The following AGT variants were observed in gnomAD, a reference collection of about 807,000 sequenced individuals.
The protein encoded by AGT is alpha-1 antiproteinase, antitrypsin.
In AGT, 26 loss-of-function variants were observed where a neutral mutation model predicts 28.1. The ratio of observed to expected loss-of-function variants is 0.92; its 90% CI spans 0.68 to 1.28. AGT has a LOEUF of 1.28. Among genes scored for constraint, AGT ranks in the 50% most tolerant of loss-of-function variants. AGT has a pLI of 0.00. For missense variants in AGT, 596 were observed against 592.3 expected, an observed-to-expected ratio of 1.01 and a Z score of -0.06; for synonymous variants, 259 against 259.6, an observed-to-expected ratio of 1.00 and a Z score of 0.02.
intron 1 of AGT, among the ~76,000 whole-genome samples, chr1:230,733,439 G>A (rs968529300): frequency 2.0e-5 from 3 of 152,140 alleles, no homozygotes; most frequent in African/African-American, 7.2e-5. Flanking sequence ...GCTTATGAAA[G>A]CAAGTGCCCA....
chr1:230,720,354 C>T (rs1477116884), intron 1 of AGT, among the ~76,000 whole-genome samples: 2 of 152,144 alleles, frequency 1.3e-5, no homozygotes, highest in African/African-American at 4.8e-5. Flanking sequence ...CTTTAGGGCA[C>T]AATTTCAGTG....
chr1:230,708,633 G>A (rs1304265938), intron 2 of AGT, among the ~76,000 whole-genome samples: 2 of 152,094 alleles, frequency 1.3e-5, no homozygotes, highest in African/African-American at 4.8e-5. Context: ...CCTCCCGCCT[G>A]GCTCTCTGTC....
At chr1:230,712,999 C>G (rs1663640303) in intron 1 of AGT, among the ~76,000 whole-genome samples, 1 of 152,160 alleles carries the variant, frequency 6.6e-6, no homozygotes, top group Non-Finnish European at 1.5e-5. Context: ...GGGCACTGTT[C>G]TCATATCAAC....
At chr1:230,709,638 C>T (rs946097559) in intron 2 of AGT, among the ~76,000 whole-genome samples, 10 of 152,132 alleles carry the variant, frequency 6.6e-5, no homozygotes, top group Admixed American at 2.0e-4. Flanking sequence ...GGGTTTCAAT[C>T]CCAGGACCCC....
intron 1 of AGT, among the ~76,000 whole-genome samples, chr1:230,734,354 C>T (rs1007269495): frequency 5.3e-5 from 8 of 150,606 alleles, no homozygotes; most frequent in African/African-American, 2.0e-4. Context: ...TTCATAGAGA[C>T]GGAAAATAGA....
chr1:230,737,000 G>C (rs1474084635), intron 1 of AGT, among the ~76,000 whole-genome samples: 1 of 152,194 alleles, frequency 6.6e-6, no homozygotes, highest in Non-Finnish European at 1.5e-5. Flanking sequence ...CCTGGAGCTG[G>C]AATCTGGAGC....
At position 230,706,320 on chromosome 1, in the gene AGT, G is replaced by GC. The variant is rs148607932; in HGVS notation, c.830-121dup. ...CGCCCTGCCTCAGCCTCCTTCCTTG[G>GC]CCCCCCCCAGGCCACTCTGCATTCT... On this transcript the variant is annotated intron_variant, in intron 2 of 4. Coordinates refer to ENST00000366667, the MANE Select transcript of AGT (RefSeq NM_001384479.1). 1.1e-3 allele frequency: 1,235 copies of GC among 1,147,918 alleles called. 4 individuals carry two copies. The highest frequency in any genetic ancestry group is 2.6e-3 in the Middle Eastern group (9 of 3,400). 71.1% of individuals were successfully genotyped at this position (1,147,918 alleles called of 1,614,324 possible).
Position 230,703,263 on chromosome 1 carries a change from G to C in AGT, c.1309C>G (p.Leu437Val), listed in dbSNP as rs1206152459. 1.3e-5 allele frequency: 21 copies of C among 1,614,102 alleles called. No individual in the cohort carries two copies. Among genetic ancestry groups the C allele is most frequent in the Non-Finnish European group, 1.4e-5 (16 of 1,180,054 alleles). ...ACCTCCAAGACCTCAGGCTTGTTAAGCTGTTGGGTAGACTCTGTGGGCTCT... is the reference window on the plus strand; with the variant it reads ...ACCTCCAAGACCTCAGGCTTGTTAACCTGTTGGGTAGACTCTGTGGGCTCT... ...EREPTESTQQLNKPEVLEVTL... is the reference protein window; with the variant it reads ...EREPTESTQQVNKPEVLEVTL... Residue 437 changes from leucine (L) to valine (V), a missense_variant, in exon 5 of 5, where the codon CTT becomes GTT. Leu to Val is a conservative substitution (Grantham distance 32, BLOSUM62 1). Transcript: ENST00000366667.
At chr1:230,739,952 A>T (rs1450730671) in intron 1 of AGT, among the ~76,000 whole-genome samples, 1 of 152,214 alleles carries the variant, frequency 6.6e-6, no homozygotes, top group Non-Finnish European at 1.5e-5. Context: ...AAAGACGTAA[A>T]GAAAGAATGG....
chr1:230,709,246 C>T (rs6687360), intron 2 of AGT, among the ~76,000 whole-genome samples: 68,156 of 152,040 alleles, frequency 0.45, 16,109 homozygotes, highest in East Asian at 0.69. Flanking sequence ...GTAGCAAATC[C>T]TCAACAAGTA....
At chr1:230,744,675 C>G (rs1255759406) in intron 1 of AGT, among the ~76,000 whole-genome samples, 4 of 152,128 alleles carry the variant, frequency 2.6e-5, no homozygotes, top group Non-Finnish European at 5.9e-5. Context: ...TACTAAGACT[C>G]TAAAGAAAAA....
Position 230,710,411 on chromosome 1 carries a change from T to C in AGT, c.413A>G (p.Tyr138Cys), listed in dbSNP as rs555684009. 5 of 1,614,132 alleles carry C rather than the reference T, an allele frequency of 3.1e-6. No individual in the cohort carries two copies. The South Asian group carries it at 5.5e-5, about 18-fold the overall frequency. The stretch of plus-strand genomic sequence containing the variant: ...AGCTGTGTGGTCCAAGGCTCCCAGA[T>C]AGAGAGAGGCCAGGGTGCCAAAGAC... ...TAVFGTLASL[Y>C]LGALDHTADR... The change falls in exon 2 of 5, where the codon TAT becomes TGT. Residue 138 changes from tyrosine (Y) to cysteine (C), a missense_variant. Physicochemically the swap from Tyr to Cys is radical, Grantham distance 194 (BLOSUM62 -2). Transcript: ENST00000366667.
Position 230,703,273 on chromosome 1 carries a change from A to G in AGT, c.1299T>C (p.Ser433=). ...CCTCAGGCTTGTTAAGCTGTTGGGT[A>G]GACTCTGTGGGCTCTCTCTCATCCG... ...LEADEREPTE[S]TQQLNKPEVL... Residue 433 remains serine, a synonymous_variant, in exon 5 of 5, where the codon TCT becomes TCC. Coordinates refer to ENST00000366667, the MANE Select transcript of AGT (RefSeq NM_001384479.1). 1 of 1,614,198 alleles carries G rather than the reference A, an allele frequency of 6.2e-7. No individual in the cohort carries two copies. Among genetic ancestry groups the G allele is most frequent in the Admixed American group, 1.7e-5 (1 of 60,030 alleles).
chr1:230,710,298 G>A lies in AGT; in HGVS notation c.526C>T (p.Gln176Ter), dbSNP rs768807990. The A allele has an allele frequency of 3.1e-6, 5 of 1,613,850 alleles. No individual in the cohort carries two copies. The African/African-American group carries it at 5.3e-5, about 17-fold the overall frequency. ...LDAHKVLSAL[Q>*]AVQGLLVAQG... ...GCCACTAGCAGGCCCTGTACAGCCT[G>A]CAGGGCAGACAGGACCTTGTGCGCA... Residue 176 changes from glutamine (Q) to a stop codon, truncating the protein, a stop_gained, in exon 2 of 5, where the codon CAG becomes TAG. Coordinates refer to ENST00000366667, the MANE Select transcript of AGT (RefSeq NM_001384479.1). LOFTEE classifies it high-confidence loss of function.
chr1:230,733,181 G>T (rs1337871504), intron 1 of AGT, among the ~76,000 whole-genome samples: 1 of 152,096 alleles, frequency 6.6e-6, no homozygotes. Flanking sequence ...TACTCAGGAG[G>T]CTGAGGCAGG....
intron 1 of AGT, among the ~76,000 whole-genome samples, chr1:230,720,934 C>T (rs1178187356): frequency 6.6e-6 from 1 of 152,214 alleles, no homozygotes; most frequent in Non-Finnish European, 1.5e-5. Context: ...CAGCCTCATT[C>T]ATTCTGGGCG....
At position 230,709,991 on chromosome 1, in the gene AGT, T is replaced by G; in HGVS notation, c.829+4A>C. On this transcript the variant is annotated splice_donor_region_variant and intron_variant, in intron 2 of 4. Transcript: ENST00000366667. ...GCCAGAGCCAGCAGAGAGGTTTGCC[T>G]TACCTTGGAAGTGGACGTAGGTGTT... The G allele has an allele frequency of 1.2e-6, 2 of 1,614,122 alleles. No homozygotes were observed. Among genetic ancestry groups the G allele is most frequent in the Non-Finnish European group, 8.5e-7 (1 of 1,180,024 alleles).
intron 1 of AGT, among the ~76,000 whole-genome samples, chr1:230,724,305 A>G (rs1663897923): frequency 2.0e-5 from 3 of 152,262 alleles, no homozygotes; most frequent in Admixed American, 2.0e-4. Context: ...CTATAGACTT[A>G]TATATTGTCC....
At chr1:230,743,765 T>G (rs2478542) in intron 1 of AGT, among the ~76,000 whole-genome samples, 1 of 152,150 alleles carries the variant, frequency 6.6e-6, no homozygotes, top group African/African-American at 2.4e-5. Context: ...GTGAAGCTTC[T>G]GAGCATTTGT....
Sources: allele counts gnomAD v4.1 joint callset (sites outside exome capture counted in the v4.1 genomes callset), GRCh38; gene constraint gnomAD v4.1.1; transcripts MANE v1.5; gene names NCBI Gene and HGNC (gene_info 2026-07-23, HGNC 2026-07-21).